The following NAALADL1 variants were observed in gnomAD, a reference collection of about 807,000 sequenced individuals.
NAALADL1 encodes aminopeptidase NAALADL1.
In NAALADL1, 77 loss-of-function variants were observed where a neutral mutation model predicts 82.8. The observed-to-expected ratio is 0.93, with a 90% confidence interval of 0.77 to 1.12. The LOEUF is 1.12. Ranked by LOEUF, NAALADL1 falls within the 50% of genes most tolerant of loss-of-function variation. The probability of loss-of-function intolerance (pLI) is 0.00; values close to 1 mark genes in which losing one functional copy is unlikely to be tolerated. For synonymous variants in NAALADL1, 358 were observed against 399.2 expected (o/e 0.90, Z 1.23); for missense variants, 956 against 964.0 (o/e 0.99, Z 0.11).
At chr11:65,052,940 G>A (rs532923378) in intron 8 of NAALADL1, among the ~76,000 whole-genome samples, 5 of 152,354 alleles carry the variant, frequency 3.3e-5, no homozygotes, top group African/African-American at 7.2e-5. Context: ...TAAAGTTCCC[G>A]GAGGGCAGAG....
chr11:65,053,570 C>G lies in NAALADL1; in HGVS notation c.999G>C (p.Val333=). The G allele has an allele frequency of 6.3e-7, 1 of 1,598,428 alleles. No individual in the cohort carries two copies. The highest frequency in any genetic ancestry group is 8.5e-7 in the Non-Finnish European group (1 of 1,170,700). ...CCAGGCGGTTGTAGACGCTCACATT[C>G]ACCTGGCTGGGGAGGGTGAAGGGTG... ...PDGDFPADSQ[V]NVSVYNRLEL... The change falls in exon 7 of 18, where the codon GTG becomes GTC. Residue 333 remains valine, a synonymous_variant. Transcript: ENST00000358658. This position sits in a 1 kb window ranked among gnomAD's most constrained non-coding sequence, Gnocchi z 4.3.
At chr11:65,056,102 C>A (rs1207904145) in intron 4 of NAALADL1, among the ~76,000 whole-genome samples, 1 of 152,054 alleles carries the variant, frequency 6.6e-6, no homozygotes, top group Non-Finnish European at 1.5e-5. Context: ...CCAGGCTGGT[C>A]TCGAACTCCT....
At position 65,049,604 on chromosome 11, in the gene NAALADL1, C is replaced by G. The variant is rs113330846; in HGVS notation, c.1199-1219G>C. ...TCAAGGTCATCACTGGGCACAGTGGCTCACGCCTGTAATCCCAACACTTTG... is the reference window on the plus strand; with the variant it reads ...TCAAGGTCATCACTGGGCACAGTGGGTCACGCCTGTAATCCCAACACTTTG... On this transcript the variant is annotated intron_variant, in intron 8 of 17. Coordinates refer to ENST00000358658, the MANE Select transcript of NAALADL1 (RefSeq NM_005468.3). Among the ~76,000 whole-genome samples, 399 of 152,274 alleles carry G rather than the reference C, an allele frequency of 2.6e-3. 1 individual carries two copies. The highest frequency in any genetic ancestry group is 9.2e-3 in the African/African-American group (384 of 41,584).
rs1174464737 is a variant in NAALADL1 at position 65,047,463 on chromosome 11, G to A, written c.1599+12C>T. On this transcript the variant is annotated intron_variant, in intron 13 of 17. Coordinates refer to ENST00000358658, the MANE Select transcript of NAALADL1 (RefSeq NM_005468.3). Reference sequence around the variant, plus strand: ...AAGGTACCGAGGCAGGGACGGAGGGGCGCCTGCTCACCCGGTCATAGGTAT... The same window carrying A: ...AAGGTACCGAGGCAGGGACGGAGGGACGCCTGCTCACCCGGTCATAGGTAT... The A allele has an allele frequency of 6.4e-7, 1 of 1,554,662 alleles. No individual in the cohort carries two copies. The highest frequency in any genetic ancestry group is 1.9e-5 in the Admixed American group (1 of 51,316).
chr11:65,057,496 A>G lies in NAALADL1; in HGVS notation c.481-3T>C, dbSNP rs1418949447. On this transcript the variant is annotated splice_region_variant and splice_polypyrimidine_tract_variant and intron_variant, in intron 3 of 17. Coordinates refer to ENST00000358658, the MANE Select transcript of NAALADL1 (RefSeq NM_005468.3). ...CGGTTGGCATAGACGAGGAGGCCCT[A>G]GTCCCAAGAGGGGGTGATCCTTAGA... The G allele has an allele frequency of 6.2e-7, 1 of 1,612,144 alleles. No individual in the cohort carries two copies. The highest frequency in any genetic ancestry group is 1.7e-5 in the Admixed American group (1 of 59,750).
At chr11:65,060,170 G>A (rs1309445223), upstream of NAALADL1, among the ~76,000 whole-genome samples, 1 of 152,010 alleles carries the variant, frequency 6.6e-6, no homozygotes, top group Admixed American at 6.5e-5. Flanking sequence ...GTGTGTGTGT[G>A]ATTTCACAGA....
intron 8 of NAALADL1, among the ~76,000 whole-genome samples, chr11:65,049,139 A>T (rs551549977): frequency 1.8e-4 from 28 of 151,968 alleles, no homozygotes; most frequent in African/African-American, 6.3e-4. Flanking sequence ...TCTCACCTCA[A>T]CCTCCCAAGT....
chr11:65,049,584 G>T (rs946063243), intron 8 of NAALADL1, among the ~76,000 whole-genome samples: 4 of 152,054 alleles, frequency 2.6e-5, no homozygotes, highest in Non-Finnish European at 5.9e-5. Context: ...TGCTATCAAG[G>T]TCATCACTGG....
intron 11 of NAALADL1, 120 bp downstream of exon 11, chr11:65,047,861 G>T (rs1406537697): frequency 6.8e-7 from 1 of 1,464,880 alleles, no homozygotes; most frequent in Non-Finnish European, 9.2e-7. Flanking sequence ...CCCAGCCTCA[G>T]TCCAGCCCCA....
Position 65,046,018 on chromosome 11 carries a change from C to G in NAALADL1, c.1943+9G>C. The G allele has an allele frequency of 6.2e-7, 1 of 1,613,512 alleles. No homozygotes were observed. Among genetic ancestry groups the G allele is most frequent in the Non-Finnish European group, 8.5e-7 (1 of 1,179,826 alleles). Reference sequence around the variant, plus strand: ...GCCCTCCCAGCCCCTGCCCGCTGCCCTTGCTCACTCAGGGCTGCCCTTCTG... The same window carrying G: ...GCCCTCCCAGCCCCTGCCCGCTGCCGTTGCTCACTCAGGGCTGCCCTTCTG... On this transcript the variant is annotated intron_variant, in intron 16 of 17. Transcript: ENST00000358658.
At position 65,044,889 on chromosome 11, in the gene NAALADL1, C is replaced by A; in HGVS notation, c.*382G>T. On this transcript the variant is annotated 3_prime_UTR_variant, in exon 18 of 18. Transcript: ENST00000358658. The surrounding 1 kb of genome is among the most constrained non-coding windows in gnomAD (Gnocchi z 4.0). ...GTAGGGAGTTAGGATACACAGCATGCAGGGAGAGGAACGCAGACTAGCCAA... is the reference window on the plus strand; with the variant it reads ...GTAGGGAGTTAGGATACACAGCATGAAGGGAGAGGAACGCAGACTAGCCAA... The A allele has an allele frequency of 1.2e-6, 1 of 830,048 alleles. No homozygotes were observed. The highest frequency in any genetic ancestry group is 1.8e-6 in the Non-Finnish European group (1 of 548,096). 51.4% of individuals were successfully genotyped at this position (830,048 alleles called of 1,614,324 possible). A position where few individuals can be genotyped will look rare whatever the true frequency, so the allele number is the denominator to read the frequency against.
Position 65,054,496 on chromosome 11 carries a change from A to G in NAALADL1, c.846T>C (p.Pro282=), listed in dbSNP as rs755042483. The change falls in exon 5 of 18, where the codon CCT becomes CCC. Residue 282 remains proline, a synonymous_variant. Transcript: ENST00000358658. The surrounding 1 kb of genome is among the most constrained non-coding windows in gnomAD (Gnocchi z 4.3). ...LANVSGFPPI[P]TQPIGFQDAR... is the part of the protein sequence containing the mutation. ...CATCCTGGAAGCCAATGGGCTGTGT[A>G]GGAATTGGGGGAAATCCGGAGACAT... is the stretch of plus-strand genomic sequence containing the variant. 1.2e-6 allele frequency: 2 copies of G among 1,614,124 alleles called. No homozygotes were observed. The highest frequency in any genetic ancestry group is 1.7e-6 in the Non-Finnish European group (2 of 1,180,014).
At chr11:65,055,041 G>A (rs1371644453) in intron 4 of NAALADL1, among the ~76,000 whole-genome samples, 1 of 152,190 alleles carries the variant, frequency 6.6e-6, no homozygotes, top group South Asian at 2.1e-4. Context: ...TATCCTCAAC[G>A]GCCAAAAGGA....
chr11:65,055,592 C>T (rs578107671), intron 4 of NAALADL1, among the ~76,000 whole-genome samples: 79 of 152,128 alleles, frequency 5.2e-4, no homozygotes, highest in Middle Eastern at 6.8e-3. Context: ...TTCACTTATG[C>T]GAGGTACCTA....
intron 11 of NAALADL1, 74 bp downstream of exon 11, chr11:65,047,907 A>AC: frequency 3.5e-6 from 1 of 282,776 alleles, no homozygotes; most frequent in African/African-American, 5.9e-5. Context: ...AGCCCCGCCC[A>AC]CCCGTAGCGG....
In NAALADL1 at chr11:65,046,474, A is replaced by G. The variant is rs1424578892; in HGVS notation, c.1652T>C (p.Phe551Ser). ...GTCCAAAAACTTGTCCACATAGTCA[A>G]AGGTGTCAAAGGCTGTGTGGTAGGT... is the stretch of plus-strand genomic sequence containing the variant. ...YPTYHTAFDT[F>S]DYVDKFLDPG... Residue 551 changes from phenylalanine (F) to serine (S), a missense_variant, in exon 14 of 18, where the codon TTT (phenylalanine) becomes TCT (serine). Physicochemically the swap from Phe to Ser is radical, Grantham distance 155. Transcript: ENST00000358658. The G allele has an allele frequency of 6.2e-7, 1 of 1,614,118 alleles. No individual in the cohort carries two copies. Among genetic ancestry groups the G allele is most frequent in the East Asian group, 2.2e-5 (1 of 44,890 alleles).
intron 3 of NAALADL1, 43 bp downstream of exon 3, chr11:65,057,832 C>T (rs1947084457): frequency 6.2e-7 from 1 of 1,609,148 alleles, no homozygotes; most frequent in Non-Finnish European, 8.5e-7. Flanking sequence ...TGGGTGGAAC[C>T]AAGGGAGCTG....
At position 65,057,382 on chromosome 11, in the gene NAALADL1, G is replaced by A. The variant is rs762860964; in HGVS notation, c.592C>T (p.Arg198Cys). 6.0e-5 allele frequency: 97 copies of A among 1,611,198 alleles called. No individual in the cohort carries two copies. Among genetic ancestry groups the A allele is most frequent in the South Asian group, 1.5e-4 (14 of 90,702 alleles). Residue 198 changes from arginine (R) to cysteine (C), a missense_variant, in exon 4 of 18, where the codon CGT (arginine) becomes TGT (cysteine). Transcript: ENST00000358658. ...GGACTGCCACTCACCTTGGCCCCAC[G>A]CCCTACACCCCCATATCGAGTCAGG... ...IALTRYGGVG[R>C]GAKAVNAAKH...
intron 8 of NAALADL1, among the ~76,000 whole-genome samples, chr11:65,050,747 C>T (rs889655544): frequency 6.6e-6 from 1 of 152,092 alleles, no homozygotes; most frequent in East Asian, 1.9e-4. Context: ...CCAGATTGCG[C>T]CACTGCACTC....
Sources: gnomAD v4.1 joint callset for allele counts (sites outside exome capture counted in the v4.1 genomes callset) on GRCh38, gnomAD v4.1.1 for gene constraint, Gnocchi (gnomAD v3.1) non-coding constraint, MANE v1.5 for transcripts, NCBI Gene and HGNC (gene_info 2026-07-23, HGNC 2026-07-21) for gene names.